The following LRRC4C variants were observed in gnomAD, a reference collection of about 807,000 sequenced individuals.
LRRC4C encodes leucine-rich repeat-containing protein 4C.
In LRRC4C, 5 loss-of-function variants were observed where a neutral mutation model predicts 33.6. That is an observed-to-expected ratio of 0.15 (90% confidence interval 0.08 to 0.31). The LOEUF (loss-of-function observed/expected upper bound fraction) is 0.31, where lower values mean the gene tolerates loss of function less well. LRRC4C is among the 10% of genes least tolerant of loss of function. The pLI, the probability that LRRC4C is intolerant of heterozygous loss-of-function variation, is 1.00. For missense variants in LRRC4C, 560 were observed against 796.7 expected, an observed-to-expected ratio of 0.70 and a Z score of 3.58; for synonymous variants, 329 against 302.0, an observed-to-expected ratio of 1.09 and a Z score of -0.93.
chr11:41,154,637 T>C (rs972425315), intron 1 of LRRC4C, among the ~76,000 whole-genome samples: 2 of 152,138 alleles, frequency 1.3e-5, no homozygotes, highest in African/African-American at 2.4e-5. Context: ...GCAATGTTAA[T>C]GACATTCTGG....
chr11:40,950,799 C>T (rs1279181979), intron 1 of LRRC4C, among the ~76,000 whole-genome samples: 1 of 151,764 alleles, frequency 6.6e-6, no homozygotes, highest in Non-Finnish European at 1.5e-5. Flanking sequence ...TTTCTCTAGA[C>T]ACATTTACAC....
At chr11:40,572,671 A>G (rs1485009146) in intron 3 of LRRC4C, among the ~76,000 whole-genome samples, 4 of 152,158 alleles carry the variant, frequency 2.6e-5, no homozygotes, top group Non-Finnish European at 5.9e-5. Context: ...ATGTCAGTCT[A>G]AAATGTCAAC....
intron 3 of LRRC4C, among the ~76,000 whole-genome samples, chr11:40,561,321 C>A (rs1957536810): frequency 6.6e-6 from 1 of 151,210 alleles, no homozygotes; most frequent in Non-Finnish European, 1.5e-5. Context: ...TGCAGAATCT[C>A]TAAGGTGTCT....
At chr11:40,742,419 C>T (rs933520910) in intron 2 of LRRC4C, among the ~76,000 whole-genome samples, 52 of 152,120 alleles carry the variant, frequency 3.4e-4, no homozygotes, top group African/African-American at 1.2e-3. Flanking sequence ...GTTAAGGCAG[C>T]TTCCTTTGTC....
intron 1 of LRRC4C, among the ~76,000 whole-genome samples, chr11:41,229,366 T>C (rs967125475): frequency 6.6e-6 from 1 of 152,062 alleles, no homozygotes; most frequent in Non-Finnish European, 1.5e-5. Flanking sequence ...TGTGAGAAAA[T>C]AACTTTCTGT....
At chr11:40,334,279 T>C (rs1412481857) in intron 3 of LRRC4C, among the ~76,000 whole-genome samples, 1 of 152,134 alleles carries the variant, frequency 6.6e-6, no homozygotes, top group African/African-American at 2.4e-5. Flanking sequence ...AAGGACACAG[T>C]TGAAACATTT....
At chr11:40,136,454 T>C (rs1179922937) in intron 6 of LRRC4C, among the ~76,000 whole-genome samples, 1 of 150,906 alleles carries the variant, frequency 6.6e-6, no homozygotes, top group Non-Finnish European at 1.5e-5. Context: ...TTTTTTGTAT[T>C]TTTAGTAGAG....
intron 5 of LRRC4C, among the ~76,000 whole-genome samples, chr11:40,183,465 A>G (rs894351127): frequency 3.3e-5 from 5 of 152,180 alleles, no homozygotes; most frequent in African/African-American, 1.2e-4. Context: ...TGTAACAGTC[A>G]CCTCACAGAA....
chr11:40,595,932 A>T (rs1959240982), intron 3 of LRRC4C, among the ~76,000 whole-genome samples: 1 of 152,164 alleles, frequency 6.6e-6, no homozygotes, highest in Non-Finnish European at 1.5e-5. Flanking sequence ...TTGAAAAACT[A>T]AGATCTTTTG....
chr11:40,384,048 G>T (rs1949006842), intron 3 of LRRC4C, among the ~76,000 whole-genome samples: 1 of 150,852 alleles, frequency 6.6e-6, no homozygotes, highest in African/African-American at 2.4e-5. Flanking sequence ...TATCTAGGTT[G>T]CCTTTTAATT....
At chr11:40,816,265 A>G (rs1378814506) in intron 2 of LRRC4C, among the ~76,000 whole-genome samples, 2 of 152,230 alleles carry the variant, frequency 1.3e-5, no homozygotes, top group East Asian at 3.8e-4. Context: ...CAAAAGCTTG[A>G]CAATAGCTCC....
rs145520612 is a variant in LRRC4C at position 40,269,771 on chromosome 11, A to G, written c.-175-28173T>C. 1.2e-3 allele frequency among the ~76,000 whole-genome samples: 185 copies of G among 150,952 alleles called. 2 individuals carry two copies. The highest frequency in any genetic ancestry group is 4.3e-3 in the African/African-American group (177 of 41,026). On this transcript the variant is annotated intron_variant, in intron 4 of 6. Coordinates refer to ENST00000528697, the MANE Select transcript of LRRC4C (RefSeq NM_001258419.2). ...ACATTTTTTATCCCTATCCCTTTCC[A>G]AGAGTAAAAATCCCTTAATAGCACA...
At chr11:40,482,709 A>G (rs769909622) in intron 3 of LRRC4C, among the ~76,000 whole-genome samples, 1 of 152,006 alleles carries the variant, frequency 6.6e-6, no homozygotes, top group African/African-American at 2.4e-5. Flanking sequence ...GGGCTCAAGC[A>G]ATCTGCCTGC....
chr11:40,578,140 GGTTTTTTT>G (rs1354841713), intron 3 of LRRC4C, among the ~76,000 whole-genome samples: 5 of 40,570 alleles, frequency 1.2e-4, no homozygotes, highest in African/African-American at 4.2e-4. Context: ...TTTTTTTTTC[GGTTTTTTT>G]TTTTTTTTTT....
At chr11:40,949,741 A>G (rs10837533) in intron 1 of LRRC4C, among the ~76,000 whole-genome samples, 35,744 of 150,216 alleles carry the variant, frequency 0.24, 4,561 homozygotes, top group Middle Eastern at 0.32. Context: ...AGGAACAACC[A>G]GTACCAGCTG....
intron 1 of LRRC4C, among the ~76,000 whole-genome samples, chr11:41,428,698 A>G (rs1955128494): frequency 6.6e-6 from 1 of 152,148 alleles, no homozygotes; most frequent in African/African-American, 2.4e-5. Flanking sequence ...TATAACTAAC[A>G]TACTAGAGGC....
intron 4 of LRRC4C, among the ~76,000 whole-genome samples, chr11:40,281,363 A>G (rs911979103): frequency 6.6e-6 from 1 of 152,124 alleles, no homozygotes; most frequent in Non-Finnish European, 1.5e-5. Context: ...CTCTCTAGAG[A>G]TCAGCTAACT....
chr11:40,151,500 A>G (rs1218196487), intron 5 of LRRC4C, among the ~76,000 whole-genome samples: 1 of 152,218 alleles, frequency 6.6e-6, no homozygotes, highest in Non-Finnish European at 1.5e-5. Context: ...TCATAGTTAT[A>G]TCTTTTCAAG....
intron 3 of LRRC4C, among the ~76,000 whole-genome samples, chr11:40,579,656 C>T (rs776325253): frequency 3.9e-5 from 6 of 152,062 alleles, no homozygotes; most frequent in Non-Finnish European, 7.4e-5. Context: ...CCTTTCAGCC[C>T]GTCTATAACT....
Sources: allele counts gnomAD v4.1 joint callset (sites outside exome capture counted in the v4.1 genomes callset), GRCh38; gene constraint gnomAD v4.1.1; transcripts MANE v1.5; gene names NCBI Gene and HGNC (gene_info 2026-07-23, HGNC 2026-07-21).